The following LRRC69 variants were observed in gnomAD, a reference collection of about 807,000 sequenced individuals.
LRRC69 encodes leucine-rich repeat-containing protein 69.
In LRRC69, 42 loss-of-function variants were observed where a neutral mutation model predicts 37.8. The observed-to-expected ratio is 1.11, with a 90% CI of 0.87 to 1.44. LRRC69 has a LOEUF of 1.44. Among genes scored for constraint, LRRC69 ranks in the 40% most tolerant of loss-of-function variants. The pLI is 0.00. For missense variants in LRRC69, 357 were observed against 401.9 expected, an observed-to-expected ratio of 0.89 and a Z score of 0.96; for synonymous variants, 141 against 143.1, an observed-to-expected ratio of 0.99 and a Z score of 0.11.
chr8:91,182,397 T>A lies in LRRC69; in HGVS notation c.652-7125T>A, dbSNP rs1467640048. On this transcript the variant is annotated intron_variant, in intron 5 of 7. Coordinates refer to ENST00000448384, the Ensembl canonical transcript of LRRC69. ...GGGCATAAGATAGTTAATCCTAATATTTACTAAAACATTATAATACAAAAT... is the reference window on the plus strand; with the variant it reads ...GGGCATAAGATAGTTAATCCTAATAATTACTAAAACATTATAATACAAAAT... 3.9e-5 allele frequency among the ~76,000 whole-genome samples: 6 copies of A among 152,146 alleles called. No individual in the cohort carries two copies. In the East Asian group the frequency reaches 1.2e-3, roughly 29 times the overall value.
chr8:91,153,575 C>A (rs1315559174), intron 5 of LRRC69, among the ~76,000 whole-genome samples: 1 of 151,950 alleles, frequency 6.6e-6, no homozygotes, highest in Non-Finnish European at 1.5e-5. Flanking sequence ...CAAAACCACA[C>A]AACTACATGG....
chr8:91,133,193 T>C, exon 4 of LRRC69: 1 of 1,545,686 alleles, frequency 6.5e-7, no homozygotes, highest in Non-Finnish European at 8.7e-7. Flanking sequence ...GAGAATCTTG[T>C]TGAACTTCAA....
intron 5 of LRRC69, among the ~76,000 whole-genome samples, chr8:91,139,740 A>G (rs1808499845): frequency 6.6e-6 from 1 of 151,780 alleles, no homozygotes; most frequent in Non-Finnish European, 1.5e-5. Flanking sequence ...ACACGATACT[A>G]TGTCTGGATT....
intron 1 of LRRC69, 140 bp from the exon 2 acceptor site, chr8:91,124,353 G>T: frequency 5.5e-6 from 3 of 542,098 alleles, no homozygotes; most frequent in Non-Finnish European, 8.8e-6. Flanking sequence ...ATAACTTTAG[G>T]TATAACTGAA....
intron 5 of LRRC69, chr8:91,158,308 G>T: frequency 6.7e-7 from 1 of 1,491,456 alleles, no homozygotes; most frequent in Non-Finnish European, 9.3e-7. Context: ...ATCCCAGAAA[G>T]AAACTGGAAT....
intron 6 of LRRC69, among the ~76,000 whole-genome samples, chr8:91,196,759 A>G (rs1464668325): frequency 6.6e-6 from 1 of 150,644 alleles, no homozygotes; most frequent in Non-Finnish European, 1.5e-5. Context: ...AATTTTTTTC[A>G]AAGTTTTCAA....
At chr8:91,204,386 AAAG>A (rs560691007) in intron 7 of LRRC69, among the ~76,000 whole-genome samples, 4 of 152,354 alleles carry the variant, frequency 2.6e-5, no homozygotes, top group African/African-American at 9.6e-5. Flanking sequence ...TGAAAAAAGA[AAAG>A]GAGGTGTTGG....
intron 5 of LRRC69, among the ~76,000 whole-genome samples, chr8:91,165,399 C>T (rs1381205468): frequency 6.6e-6 from 1 of 151,758 alleles, no homozygotes; most frequent in Non-Finnish European, 1.5e-5. Flanking sequence ...GGGTGACACA[C>T]TAGGTGACCC....
intron 5 of LRRC69, among the ~76,000 whole-genome samples, chr8:91,172,570 C>A (rs899658998): frequency 1.3e-5 from 2 of 151,984 alleles, no homozygotes; most frequent in African/African-American, 4.8e-5. Flanking sequence ...GGCTAGAGTG[C>A]AATGGCAAGA....
At position 91,126,877 on chromosome 8, in the gene LRRC69, C is replaced by T. The variant is rs569389399; in HGVS notation, c.311-211C>T. ...TTTTTGATGAGCCTGGTTGCATCCT[C>T]ATTCCACAGGCACAGTGACTTAGAT... is the stretch of plus-strand genomic sequence containing the variant. On this transcript the variant is annotated intron_variant, in intron 2 of 7. Coordinates refer to ENST00000448384, the Ensembl canonical transcript of LRRC69. 2.0e-5 allele frequency among the ~76,000 whole-genome samples: 3 copies of T among 152,144 alleles called. 1 individual carries two copies. The South Asian group carries it at 6.2e-4, about 32-fold the overall frequency.
At chr8:91,160,853 T>A (rs1479128098) in intron 5 of LRRC69, among the ~76,000 whole-genome samples, 3 of 151,352 alleles carry the variant, frequency 2.0e-5, no homozygotes, top group African/African-American at 7.3e-5. Flanking sequence ...CTTGTCTTGC[T>A]CCAGATTTCA....
intron 5 of LRRC69, among the ~76,000 whole-genome samples, chr8:91,149,465 C>T (rs890134336): frequency 6.6e-6 from 1 of 151,938 alleles, no homozygotes; most frequent in African/African-American, 2.4e-5. Flanking sequence ...GGTACCAGTA[C>T]CATGCTGTTT....
intron 7 of LRRC69, among the ~76,000 whole-genome samples, chr8:91,215,873 C>T (rs1248407919): frequency 1.3e-5 from 2 of 152,082 alleles, no homozygotes; most frequent in African/African-American, 4.8e-5. Context: ...TTCAAATGGA[C>T]ATATGTCGTA....
At chr8:91,163,254 T>A (rs1308869873) in intron 5 of LRRC69, among the ~76,000 whole-genome samples, 1 of 151,470 alleles carries the variant, frequency 6.6e-6, no homozygotes, top group East Asian at 1.9e-4. Flanking sequence ...GTTTACTTGC[T>A]TATTGTTTTT....
chr8:91,152,586 G>A (rs1358297184), intron 5 of LRRC69, among the ~76,000 whole-genome samples: 1 of 151,472 alleles, frequency 6.6e-6, no homozygotes, highest in Non-Finnish European at 1.5e-5. Context: ...TGTTCTTTTT[G>A]CTTAGGATTG....
At chr8:91,159,086 G>A (rs1358995938) in intron 5 of LRRC69, among the ~76,000 whole-genome samples, 1 of 151,096 alleles carries the variant, frequency 6.6e-6, no homozygotes, top group Non-Finnish European at 1.5e-5. Context: ...CTCCTCAAAG[G>A]AACACTATTA....
At chr8:91,176,235 A>G (rs1245228819) in intron 5 of LRRC69, among the ~76,000 whole-genome samples, 1 of 151,012 alleles carries the variant, frequency 6.6e-6, no homozygotes, top group Non-Finnish European at 1.5e-5. Context: ...CCTGGGTTCA[A>G]GCGATTCCCC....
intron 5 of LRRC69, chr8:91,138,845 A>T (rs1361514649): frequency 6.6e-6 from 1 of 151,770 alleles, no homozygotes; most frequent in African/African-American, 2.4e-5. Context: ...TTTTGATTCC[A>T]TGAGTTCAAG....
rs544373768 is a variant in LRRC69, at chr8:91,156,600, T to C, written c.651+20861T>C. 5.3e-5 allele frequency among the ~76,000 whole-genome samples: 8 copies of C among 151,154 alleles called. No individual in the cohort carries two copies. In the South Asian group the frequency reaches 1.7e-3, roughly 32 times the overall value. On this transcript the variant is annotated intron_variant, in intron 5 of 7. Transcript: ENST00000448384. The stretch of plus-strand genomic sequence containing the variant: ...TGATATAATCATGTCTATTTTTGCT[T>C]TTGTTGTCCGTGGTTTGGAGTATTT...
Sources: gnomAD v4.1 joint callset for allele counts (sites outside exome capture counted in the v4.1 genomes callset) on GRCh38, gnomAD v4.1.1 for gene constraint, MANE v1.5 for transcripts, NCBI Gene and HGNC (gene_info 2026-07-23, HGNC 2026-07-21) for gene names.